PITPNC1: variants seen among roughly 807,000 people sequenced by gnomAD.
The protein encoded by PITPNC1 is phosphatidylinositol transfer protein cytoplasmic 1.
A neutral mutation model predicts 44.7 loss-of-function variants in PITPNC1; 18 were observed. The observed-to-expected ratio is 0.40, with a 90% CI of 0.28 to 0.60. The LOEUF (loss-of-function observed/expected upper bound fraction) is 0.60. PITPNC1 is among the 20% of genes least tolerant of loss of function. PITPNC1 has a pLI of 0.39. For missense variants in PITPNC1, 290 were observed against 418.4 expected (o/e 0.69, Z 2.68); for synonymous variants, 141 against 149.6 (o/e 0.94, Z 0.42).
At chr17:67,467,513 G>C (rs1285290722) in intron 1 of PITPNC1, among the ~76,000 whole-genome samples, 1 of 152,118 alleles carries the variant, frequency 6.6e-6, no homozygotes, top group Non-Finnish European at 1.5e-5. Flanking sequence ...TTTTGAAGTG[G>C]CCTTGCTTGG....
chr17:67,494,181 TTCTTTTTC>T (rs961683228), intron 1 of PITPNC1, among the ~76,000 whole-genome samples: 10 of 58,426 alleles, frequency 1.7e-4, no homozygotes, highest in South Asian at 6.8e-4. Context: ...CTTTCTTTCT[TTCTTTTTC>T]TTTCTTTCTT....
chr17:67,585,132 AAAAAC>A (rs1282069540), intron 5 of PITPNC1, among the ~76,000 whole-genome samples: 1 of 151,726 alleles, frequency 6.6e-6, no homozygotes, highest in East Asian at 1.9e-4. Flanking sequence ...AAAAAAAAAA[AAAAAC>A]CAGACAAACC....
chr17:67,578,024 G>A (rs964202441), intron 4 of PITPNC1, 162 bp from the exon 5 acceptor site: 75 of 680,614 alleles, frequency 1.1e-4, no homozygotes, highest in African/African-American at 1.6e-4. Context: ...TCCTAAAGGC[G>A]GCTTTCCTTT....
chr17:67,475,073 G>A (rs1376212572), intron 1 of PITPNC1, among the ~76,000 whole-genome samples: 2 of 152,222 alleles, frequency 1.3e-5, no homozygotes, highest in African/African-American at 4.8e-5. Flanking sequence ...ATGGATGAGG[G>A]AGGGCCCTGC....
intron 6 of PITPNC1, among the ~76,000 whole-genome samples, chr17:67,654,690 T>C (rs1459830509): frequency 6.6e-6 from 1 of 152,078 alleles, no homozygotes; most frequent in African/African-American, 2.4e-5. Flanking sequence ...TGGAGTGCAG[T>C]GGTGCAATCT....
At chr17:67,588,997 A>G (rs2041356417) in intron 5 of PITPNC1, among the ~76,000 whole-genome samples, 1 of 152,218 alleles carries the variant, frequency 6.6e-6, no homozygotes, top group Admixed American at 6.5e-5. Flanking sequence ...ATTTTCTCTA[A>G]TAAGTCAGCA....
At chr17:67,574,578 TAAAGCTAAGCTTC>T (rs2144221925) in intron 4 of PITPNC1, among the ~76,000 whole-genome samples, 1 of 152,264 alleles carries the variant, frequency 6.6e-6, no homozygotes, top group East Asian at 1.9e-4. Context: ...GACCTTGCTT[TAAAGCTAAGCTTC>T]CGCTAGGATT....
At chr17:67,546,142 A>C (rs1435971934) in intron 2 of PITPNC1, among the ~76,000 whole-genome samples, 1 of 151,430 alleles carries the variant, frequency 6.6e-6, no homozygotes. Context: ...ATGCCACTGC[A>C]CTCCAGCCTG....
At chr17:67,598,053 C>G (rs550045386) in intron 5 of PITPNC1, among the ~76,000 whole-genome samples, 5 of 152,246 alleles carry the variant, frequency 3.3e-5, no homozygotes, top group African/African-American at 1.2e-4. Flanking sequence ...GAAACCCCGT[C>G]TCTACTAAAA....
At chr17:67,599,032 ATATT>A (rs200070274) in intron 5 of PITPNC1, among the ~76,000 whole-genome samples, 57 of 29,254 alleles carry the variant, frequency 1.9e-3, no homozygotes, top group East Asian at 5.9e-3. Context: ...ATATATATAT[ATATT>A]TTTTTTTTTT....
intron 1 of PITPNC1, among the ~76,000 whole-genome samples, chr17:67,495,040 G>GTTTTTTTTTTGTTTTT (rs2039927128): frequency 1.5e-5 from 1 of 64,704 alleles, no homozygotes; most frequent in Non-Finnish European, 2.7e-5. Flanking sequence ...CCATGGAGTT[G>GTTTTTTTTTTGTTTTT]TTTTTTTTTT....
intron 1 of PITPNC1, among the ~76,000 whole-genome samples, chr17:67,472,053 G>C (rs2039544857): frequency 6.6e-6 from 1 of 151,896 alleles, no homozygotes; most frequent in South Asian, 2.1e-4. Flanking sequence ...GACTGCAGTT[G>C]GGGTTTGGGG....
intron 4 of PITPNC1, among the ~76,000 whole-genome samples, chr17:67,554,622 G>A (rs1377091438): frequency 6.6e-6 from 1 of 152,214 alleles, no homozygotes; most frequent in Non-Finnish European, 1.5e-5. Flanking sequence ...AATAGCCAAA[G>A]GATAGAGAGG....
At chr17:67,383,495 G>T (rs907394866) in intron 1 of PITPNC1, among the ~76,000 whole-genome samples, 1 of 152,140 alleles carries the variant, frequency 6.6e-6, no homozygotes, top group African/African-American at 2.4e-5. Context: ...TCTGCTTAGC[G>T]GGACACATAG....
rs991486423 is a variant in PITPNC1 at position 67,410,093 on chromosome 17, C to T, written c.48+31891C>T. Among the ~76,000 whole-genome samples, 22 of 152,128 alleles carry T rather than the reference C, an allele frequency of 1.4e-4. No individual in the cohort carries two copies. In the East Asian group the frequency reaches 1.9e-3, roughly 13 times the overall value. ...TTCTATCAGCGATGTGTCAGAACTA[C>T]GTTTCAGAAAACAGTTTTAAGCATT... On this transcript the variant is annotated intron_variant, in intron 1 of 8. Transcript: ENST00000581322.
At chr17:67,409,886 T>A (rs909778180) in intron 1 of PITPNC1, among the ~76,000 whole-genome samples, 1 of 152,206 alleles carries the variant, frequency 6.6e-6, no homozygotes, top group Non-Finnish European at 1.5e-5. Flanking sequence ...TTTGTATAAA[T>A]CTGCCATGAT....
chr17:67,661,357 C>G (rs1023028963), intron 6 of PITPNC1, among the ~76,000 whole-genome samples: 38 of 152,080 alleles, frequency 2.5e-4, no homozygotes, highest in African/African-American at 9.2e-4. Flanking sequence ...TTTTCCTTCC[C>G]CCTTCCCAGA....
At chr17:67,609,251 C>T (rs1373269869) in intron 5 of PITPNC1, among the ~76,000 whole-genome samples, 1 of 150,638 alleles carries the variant, frequency 6.6e-6, no homozygotes, top group Non-Finnish European at 1.5e-5. Flanking sequence ...GTGTCGGAGG[C>T]CTGGTGGGAG....
intron 1 of PITPNC1, among the ~76,000 whole-genome samples, chr17:67,473,557 C>A (rs962210311): frequency 6.6e-6 from 1 of 152,200 alleles, no homozygotes; most frequent in East Asian, 1.9e-4. Flanking sequence ...CACGCCTCAG[C>A]CTCCCAAAGT....
Sources: gnomAD v4.1 joint callset for allele counts (sites outside exome capture counted in the v4.1 genomes callset) on GRCh38, gnomAD v4.1.1 for gene constraint, MANE v1.5 for transcripts, NCBI Gene and HGNC (gene_info 2026-07-23, HGNC 2026-07-21) for gene names.